PLCL1: variants seen among roughly 807,000 people sequenced by gnomAD.
PLCL1 encodes phospholipase C like 1 (inactive), also known as inactive phospholipase C-like protein 1.
A neutral mutation model predicts 84.4 loss-of-function variants in PLCL1; 41 were observed. That is an observed-to-expected ratio of 0.49 (90% confidence interval 0.38 to 0.63). The LOEUF (loss-of-function observed/expected upper bound fraction) is 0.63. Ranked by LOEUF, PLCL1 falls within the 30% of genes least tolerant of loss-of-function variation. The pLI is 0.00. For missense variants in PLCL1, 1,206 were observed against 1,367.8 expected (o/e 0.88, Z 1.87); for synonymous variants, 490 against 488.3 (o/e 1.00, Z -0.05).
chr2:197,970,494 AC>A (rs1689840687), intron 1 of PLCL1, among the ~76,000 whole-genome samples: 1 of 152,164 alleles, frequency 6.6e-6, no homozygotes, highest in African/African-American at 2.4e-5. Flanking sequence ...TAAGTGTAAA[AC>A]CCATGCTGAA....
chr2:197,974,027 T>C (rs951966223), intron 1 of PLCL1, among the ~76,000 whole-genome samples: 13 of 152,174 alleles, frequency 8.5e-5, no homozygotes, highest in African/African-American at 2.9e-4. Context: ...CTTTGGGATG[T>C]ATTTCAGAGT....
chr2:197,964,361 A>G (rs1169483403), intron 1 of PLCL1, among the ~76,000 whole-genome samples: 1 of 151,966 alleles, frequency 6.6e-6, no homozygotes, highest in East Asian at 1.9e-4. Flanking sequence ...TTTGTAGCTA[A>G]TATAAATGGG....
chr2:197,935,311 A>G (rs1335468803), intron 1 of PLCL1, among the ~76,000 whole-genome samples: 1 of 152,212 alleles, frequency 6.6e-6, no homozygotes, highest in Non-Finnish European at 1.5e-5. Context: ...AGACTCATGT[A>G]TGCTTATGAC....
At chr2:197,835,670 G>GA (rs1699902137) in intron 1 of PLCL1, among the ~76,000 whole-genome samples, 2 of 152,152 alleles carry the variant, frequency 1.3e-5, no homozygotes, top group Non-Finnish European at 2.9e-5. Flanking sequence ...CTGAGACTCT[G>GA]TTTCTTCGCC....
Position 198,088,907 on chromosome 2 carries a change from G to T in PLCL1, c.2765G>T (p.Ser922Ile), listed in dbSNP as rs764175106. 6.2e-7 allele frequency: 1 copy of T among 1,613,144 alleles called. No individual in the cohort carries two copies. The highest frequency in any genetic ancestry group is 1.7e-5 in the Admixed American group (1 of 60,012). The change falls in exon 3 of 6, where the codon AGT becomes ATT. Residue 922 changes from serine (S) to isoleucine (I), a missense_variant. By Grantham distance (142) the Ser-to-Ile change is moderately radical (BLOSUM62 -2). Coordinates refer to ENST00000428675, the MANE Select transcript of PLCL1 (RefSeq NM_006226.4). The part of the protein sequence containing the change: ...KELCGLPPIA[S>I]LKQCLLTLSS... ...CTATGTGGACTCCCTCCAATTGCCAGTCTGAAGCAGTGCCTGTTAACTCTG... is the reference window on the plus strand; with the variant it reads ...CTATGTGGACTCCCTCCAATTGCCATTCTGAAGCAGTGCCTGTTAACTCTG...
intron 1 of PLCL1, among the ~76,000 whole-genome samples, chr2:197,986,878 C>G (rs766779691): frequency 7.9e-5 from 12 of 152,120 alleles, no homozygotes; most frequent in Non-Finnish European, 1.5e-4. Flanking sequence ...ATTCAAATAA[C>G]ATAATCACCT....
intron 1 of PLCL1, among the ~76,000 whole-genome samples, chr2:197,893,382 T>C (rs1688068442): frequency 6.6e-6 from 1 of 152,192 alleles, no homozygotes; most frequent in South Asian, 2.1e-4. Flanking sequence ...GTATATTTGT[T>C]GTCAGATTTG....
intron 5 of PLCL1, among the ~76,000 whole-genome samples, chr2:198,112,670 A>C (rs572089077): frequency 6.6e-6 from 1 of 151,966 alleles, no homozygotes; most frequent in East Asian, 2.0e-4. Flanking sequence ...AGTTTATTTC[A>C]ATTTTTTTGT....
intron 5 of PLCL1, among the ~76,000 whole-genome samples, chr2:198,115,246 G>T (rs73063028): frequency 0.019 from 2,897 of 151,918 alleles, 36 homozygotes; most frequent in African/African-American, 0.031. Flanking sequence ...CCTAATTAAA[G>T]TTTGGCCAAG....
At position 198,076,593 on chromosome 2, in the gene PLCL1, T is replaced by C. The variant is rs543215649; in HGVS notation, c.241-7165T>C. ...CCACTAGGGAAGGCCAGTGGTTTAC[T>C]TGGGTTATGCTTCAGCTACTTCTCA... On this transcript the variant is annotated intron_variant, in intron 1 of 5. Transcript: ENST00000428675. Among the ~76,000 whole-genome samples, 27 of 152,268 alleles carry C rather than the reference T, an allele frequency of 1.8e-4. No homozygotes were observed. The South Asian group carries it at 5.4e-3, about 30-fold the overall frequency.
At chr2:198,046,565 C>T (rs776685411) in intron 1 of PLCL1, among the ~76,000 whole-genome samples, 15 of 152,186 alleles carry the variant, frequency 9.9e-5, no homozygotes, top group Non-Finnish European at 1.9e-4. Context: ...TTTTCAGGCT[C>T]AGTGGCTCAT....
intron 1 of PLCL1, among the ~76,000 whole-genome samples, chr2:198,078,540 C>A (rs1315587695): frequency 1.3e-5 from 2 of 151,950 alleles, no homozygotes; most frequent in African/African-American, 4.8e-5. Flanking sequence ...TTAATAATTT[C>A]TTAAGAGAAC....
chr2:198,063,990 G>T (rs1413102446), intron 1 of PLCL1, among the ~76,000 whole-genome samples: 2 of 152,172 alleles, frequency 1.3e-5, no homozygotes, highest in African/African-American at 2.4e-5. Context: ...TGTTGCCATA[G>T]GAATGTTCAA....
At chr2:197,817,223 T>C (rs116390995) in intron 1 of PLCL1, among the ~76,000 whole-genome samples, 67,379 of 151,536 alleles carry the variant, frequency 0.44, 15,227 homozygotes, top group Middle Eastern at 0.57. Context: ...TTAAAGTGAT[T>C]TTTTTTTTCT....
At chr2:198,050,975 A>G (rs1329151583) in intron 1 of PLCL1, among the ~76,000 whole-genome samples, 1 of 152,238 alleles carries the variant, frequency 6.6e-6, no homozygotes, top group South Asian at 2.1e-4. Flanking sequence ...ATGCCATATA[A>G]TTATTTGAAG....
At chr2:198,000,838 A>G (rs544742658) in intron 1 of PLCL1, among the ~76,000 whole-genome samples, 50 of 151,958 alleles carry the variant, frequency 3.3e-4, no homozygotes, top group Non-Finnish European at 6.2e-4. Flanking sequence ...TTCTAATTTG[A>G]TTATTCATAA....
At chr2:197,890,237 C>T (rs1388006441) in intron 1 of PLCL1, among the ~76,000 whole-genome samples, 1 of 152,116 alleles carries the variant, frequency 6.6e-6, no homozygotes, top group Non-Finnish European at 1.5e-5. Flanking sequence ...CACTGGAAGC[C>T]ACAGTTCTTA....
intron 1 of PLCL1, among the ~76,000 whole-genome samples, chr2:197,956,659 C>G (rs1689501439): frequency 6.6e-6 from 1 of 152,130 alleles, no homozygotes; most frequent in African/African-American, 2.4e-5. Flanking sequence ...CTTTGAATTT[C>G]TCTGATGATC....
At chr2:198,022,816 A>C (rs969954476) in intron 1 of PLCL1, among the ~76,000 whole-genome samples, 1 of 152,246 alleles carries the variant, frequency 6.6e-6, no homozygotes, top group African/African-American at 2.4e-5. Context: ...GAAAATGATC[A>C]TACTGCCCAA....
Sources: allele counts gnomAD v4.1 joint callset (sites outside exome capture counted in the v4.1 genomes callset), GRCh38; gene constraint gnomAD v4.1.1; transcripts MANE v1.5; gene names NCBI Gene and HGNC (gene_info 2026-07-23, HGNC 2026-07-21).